CACNA1C: variants seen among roughly 807,000 people sequenced by gnomAD.
CACNA1C encodes voltage-dependent L-type calcium channel subunit alpha-1C.
A neutral mutation model predicts 229.0 loss-of-function variants in CACNA1C; 30 were observed. That is an observed-to-expected ratio of 0.13 (90% confidence interval 0.10 to 0.18). The LOEUF is 0.18. CACNA1C is among the 10% of genes least tolerant of loss of function. CACNA1C has a pLI of 1.00. For synonymous variants in CACNA1C, 1,114 were observed against 1,132.5 expected, an observed-to-expected ratio of 0.98 and a Z score of 0.33; for missense variants, 1,658 against 2,845.0, an observed-to-expected ratio of 0.58 and a Z score of 9.49.
intron 1 of CACNA1C, among the ~76,000 whole-genome samples, chr12:1,977,282 AT>A (rs1233252582): frequency 6.6e-6 from 1 of 152,182 alleles, no homozygotes; most frequent in Non-Finnish European, 1.5e-5. Context: ...ATGAGGGTGA[AT>A]CACACAGTTC....
At chr12:2,075,821 CA>C (rs1241772908) in intron 1 of CACNA1C, among the ~76,000 whole-genome samples, 1 of 152,204 alleles carries the variant, frequency 6.6e-6, no homozygotes, top group Non-Finnish European at 1.5e-5. Flanking sequence ...GCGGATGTGC[CA>C]GGGCTTGTTC....
At chr12:2,056,186 AGTGTGTGTGAGTGTGTGTGTGT>A (rs1185096588) in intron 1 of CACNA1C, among the ~76,000 whole-genome samples, 108 of 103,596 alleles carry the variant, frequency 1.0e-3, no homozygotes, top group African/African-American at 3.9e-3. Flanking sequence ...TGCATGTGTG[AGTGTGTGTGAGTGTGTGTGTGT>A]GTGTGTGTGT....
At chr12:2,315,156 C>G (rs1476333447) in intron 3 of CACNA1C, among the ~76,000 whole-genome samples, 1 of 152,210 alleles carries the variant, frequency 6.6e-6, no homozygotes, top group Admixed American at 6.5e-5. Context: ...CATTCTATAG[C>G]TCATATAATT....
At position 2,602,011 on chromosome 12, in the gene CACNA1C, GC is replaced by G; in HGVS notation, c.2960+53del. ...ATGGGCCATGCAGCTAGCAAGGGGT[GC>G]CAGAGAGGACAACCAGACCCTGGAG... On this transcript the variant is annotated intron_variant, in intron 22 of 46. Coordinates refer to ENST00000399655, the MANE Select transcript of CACNA1C (RefSeq NM_000719.7). The surrounding 1 kb of genome is among the most constrained non-coding windows in gnomAD (Gnocchi z 4.4). The G allele has an allele frequency of 8.0e-7, 1 of 1,251,362 alleles. No individual in the cohort carries two copies. Among genetic ancestry groups the G allele is most frequent in the Non-Finnish European group, 1.2e-6 (1 of 849,582 alleles). The allele number at this position is 1,251,362 out of a possible 1,614,324, so 77.5% of individuals were successfully genotyped here.
At chr12:2,124,398 G>A (rs1252333125) in intron 3 of CACNA1C, among the ~76,000 whole-genome samples, 1 of 152,128 alleles carries the variant, frequency 6.6e-6, no homozygotes, top group African/African-American at 2.4e-5. Flanking sequence ...GTACTCATGT[G>A]CAAAGGCATG....
chr12:2,481,925 G>A (rs2099677311), intron 5 of CACNA1C, among the ~76,000 whole-genome samples: 1 of 152,268 alleles, frequency 6.6e-6, no homozygotes, highest in Admixed American at 6.5e-5. Flanking sequence ...CCCTGAAGAA[G>A]GCCCGACACT....
chr12:2,420,451 TG>T (rs1468001973), intron 3 of CACNA1C, among the ~76,000 whole-genome samples: 1 of 152,186 alleles, frequency 6.6e-6, no homozygotes, highest in East Asian at 1.9e-4. Flanking sequence ...CTCAGAGCTG[TG>T]TCCTCCCACT....
intron 3 of CACNA1C, among the ~76,000 whole-genome samples, chr12:2,257,250 C>G (rs1326758940): frequency 2.6e-5 from 4 of 152,164 alleles, no homozygotes; most frequent in African/African-American, 9.7e-5. Flanking sequence ...ACACCTGTCT[C>G]CAAAGGAGGT....
chr12:2,082,492 C>A (rs147741402), intron 1 of CACNA1C, among the ~76,000 whole-genome samples: 116 of 152,308 alleles, frequency 7.6e-4, no homozygotes, highest in African/African-American at 2.5e-3. Context: ...GGCAGTCAGA[C>A]AACACCCCCC....
chr12:2,332,580 G>A (rs1292934456), intron 3 of CACNA1C, among the ~76,000 whole-genome samples: 1 of 152,132 alleles, frequency 6.6e-6, no homozygotes, highest in Non-Finnish European at 1.5e-5. Flanking sequence ...AAACAAAAAT[G>A]CAAAGACGTA....
chr12:2,339,082 GT>G (rs1338207420), intron 3 of CACNA1C, among the ~76,000 whole-genome samples: 3 of 152,194 alleles, frequency 2.0e-5, no homozygotes, highest in Admixed American at 6.5e-5. Context: ...GCGTTGTTAG[GT>G]GATTTCATCA....
chr12:2,090,249 T>C (rs992201923), intron 1 of CACNA1C, among the ~76,000 whole-genome samples: 4 of 151,716 alleles, frequency 2.6e-5, no homozygotes, highest in Non-Finnish European at 4.4e-5. Flanking sequence ...TGTCTTACAG[T>C]GTGTGTCAGA....
intron 1 of CACNA1C, among the ~76,000 whole-genome samples, chr12:2,082,810 A>G (rs1025610852): frequency 3.9e-5 from 6 of 152,212 alleles, no homozygotes; most frequent in Non-Finnish European, 8.8e-5. Flanking sequence ...ATTTTCATTC[A>G]GTTTCCTATA....
chr12:2,269,141 C>T (rs905628670), intron 3 of CACNA1C, among the ~76,000 whole-genome samples: 1 of 152,112 alleles, frequency 6.6e-6, no homozygotes, highest in Non-Finnish European at 1.5e-5. Flanking sequence ...AATGCCTCCG[C>T]GTCTACTCAG....
At chr12:2,022,084 A>T (rs2046563955) in intron 1 of CACNA1C, among the ~76,000 whole-genome samples, 1 of 152,158 alleles carries the variant, frequency 6.6e-6, no homozygotes, top group Admixed American at 6.5e-5. Flanking sequence ...CCACATCTGT[A>T]TGGGTTTTCT....
chr12:2,593,117 G>A, intron 18 of CACNA1C, 96 bp from the exon 19 acceptor site: 1 of 1,369,046 alleles, frequency 7.3e-7, no homozygotes, highest in East Asian at 2.4e-5. Flanking sequence ...TACATTTTCA[G>A]AGCCATAATC....
intron 5 of CACNA1C, among the ~76,000 whole-genome samples, chr12:2,473,130 T>G (rs1190993384): frequency 6.6e-6 from 1 of 152,240 alleles, no homozygotes; most frequent in Non-Finnish European, 1.5e-5. Flanking sequence ...CTCCTGACAC[T>G]GCTTTTTCCC....
intron 19 of CACNA1C, among the ~76,000 whole-genome samples, chr12:2,593,734 A>C (rs73241732): frequency 0.023 from 3,553 of 152,276 alleles, 148 homozygotes; most frequent in African/African-American, 0.081. Flanking sequence ...ATTTTAGTCC[A>C]ACTTTTATTT....
chr12:2,177,597 C>T (rs1347820783), intron 3 of CACNA1C, among the ~76,000 whole-genome samples: 1 of 92,324 alleles, frequency 1.1e-5, no homozygotes, highest in Non-Finnish European at 2.0e-5. Flanking sequence ...CCCTTCCTTC[C>T]TTCCTTCCTT....
Sources: allele counts gnomAD v4.1 joint callset (sites outside exome capture counted in the v4.1 genomes callset), GRCh38; gene constraint gnomAD v4.1.1; non-coding constraint Gnocchi (gnomAD v3.1); transcripts MANE v1.5; gene names NCBI Gene and HGNC (gene_info 2026-07-23, HGNC 2026-07-21).